The following PLOD1 variants were observed in gnomAD, a reference collection of about 807,000 sequenced individuals.
The protein encoded by PLOD1 is lysine hydroxylase.
PLOD1 carries 70 observed loss-of-function variants against 94.7 expected under a neutral mutation model. The observed-to-expected ratio is 0.74, with a 90% CI of 0.61 to 0.90. The LOEUF is 0.90. Among genes scored for constraint, PLOD1 ranks in the 40% least tolerant of loss-of-function variants. The probability of loss-of-function intolerance (pLI) is 0.00; values close to 1 mark genes in which losing one functional copy is unlikely to be tolerated. For missense variants in PLOD1, 905 were observed against 972.7 expected (o/e 0.93, Z 0.93); for synonymous variants, 417 against 400.2 (o/e 1.04, Z -0.50).
chr1:11,971,456 G>A (rs889585628), intron 17 of PLOD1: 11 of 163,932 alleles, frequency 6.7e-5, no homozygotes, highest in Non-Finnish European at 1.3e-4. Context: ...CCGGCTAGTT[G>A]GCCTCTAGCC....
chr1:11,975,374 G>C lies in PLOD1; in HGVS notation c.*566G>C, dbSNP rs540068101. Reference sequence around the variant, plus strand: ...GACAGCGACTCCAGAGAACCTCTTGGGAGACAGAAGAGGCATCTGTGCACA... The same window carrying C: ...GACAGCGACTCCAGAGAACCTCTTGCGAGACAGAAGAGGCATCTGTGCACA... On this transcript the variant is annotated 3_prime_UTR_variant, in exon 19 of 19. Transcript: ENST00000196061. The C allele has an allele frequency of 4.6e-5, 9 of 196,852 alleles. No homozygotes were observed. The South Asian group carries it at 8.8e-4, about 19-fold the overall frequency. The allele number at this position is 196,852 out of a possible 1,614,324, so 12.2% of individuals were successfully genotyped here.
rs920264762 is a variant in PLOD1, at chr1:11,972,232, C to A, written c.1903-640C>A. 2 of 148,028 alleles carry A rather than the reference C, an allele frequency of 1.4e-5. No individual in the cohort carries two copies. The highest frequency in any genetic ancestry group is 5.1e-5 in the African/African-American group (2 of 39,350). The allele number at this position is 148,028 out of a possible 1,614,324, so 9.2% of individuals were successfully genotyped here. On this transcript the variant is annotated intron_variant, in intron 17 of 18. Coordinates refer to ENST00000196061, the MANE Select transcript of PLOD1 (RefSeq NM_000302.4). This position sits in a 1 kb window ranked among gnomAD's most constrained non-coding sequence, Gnocchi z 4.6. The stretch of plus-strand genomic sequence containing the variant: ...TTCCTCTCTCTCTCTCTCTCTCTTT[C>A]TTTCTCTCTCTCTTTCTCTTTCTCT...
chr1:11,955,061 G>A (rs972027761), intron 6 of PLOD1, among the ~76,000 whole-genome samples, 168 bp downstream of exon 6: 2 of 152,200 alleles, frequency 1.3e-5, no homozygotes, highest in African/African-American at 4.8e-5. Flanking sequence ...ATATCCTGGC[G>A]CAGAGCCATG....
rs776398739 is a variant in PLOD1, at chr1:11,950,381, GC to G, written c.331del (p.Arg111GlyfsTer4). 4 of 1,614,168 alleles carry G rather than the reference GC, an allele frequency of 2.5e-6. No individual in the cohort carries two copies. Among genetic ancestry groups the G allele is most frequent in the Non-Finnish European group, 3.4e-6 (4 of 1,180,014 alleles). ...GCTATGACGTGCTGTTTGCATCGGG[GC>G]CCCGGGAGCTCCTGAAGAAGTTCCG... ...DSYDVLFASG[P>X]RELLKKFRQA... is the part of the protein sequence containing the mutation. On this transcript the variant is annotated frameshift_variant, in exon 4 of 19. Coordinates refer to ENST00000196061, the MANE Select transcript of PLOD1 (RefSeq NM_000302.4). LOFTEE classifies it high-confidence loss of function.
rs566080095 is a variant in PLOD1, at chr1:11,962,308, G to A, written c.1098-1224G>A. On this transcript the variant is annotated intron_variant, in intron 10 of 18. Transcript: ENST00000196061. ...TTTTTTTTTTTTGAGATGGAGTCTC[G>A]CTCTGTCACCCAGGCTGGAGTGCAA... Among the ~76,000 whole-genome samples, 10 of 117,484 alleles carry A rather than the reference G, an allele frequency of 8.5e-5. No homozygotes were observed. The East Asian group carries it at 1.8e-3, about 21-fold the overall frequency. The allele number at this position is 117,484 out of a possible 152,430, so 77.1% of individuals were successfully genotyped here. A position where few individuals can be genotyped will look rare whatever the true frequency, so the allele number is the denominator to read the frequency against.
At chr1:11,950,606 T>A in intron 4 of PLOD1, 86 bp downstream of exon 4, 1 of 1,221,826 alleles carries the variant, frequency 8.2e-7, no homozygotes, top group Non-Finnish European at 1.2e-6. Flanking sequence ...TGACGTGCAA[T>A]CTGGGTGTCT....
intron 10 of PLOD1, among the ~76,000 whole-genome samples, chr1:11,961,211 CTA>C (rs1347061804): frequency 1.5e-5 from 2 of 137,500 alleles, no homozygotes; most frequent in Non-Finnish European, 3.1e-5. Flanking sequence ...TAGCGAGACC[CTA>C]TCTCTTCAAA....
chr1:11,964,107 C>T (rs1476062650), intron 11 of PLOD1, 68 bp from the exon 12 acceptor site: 8 of 1,518,546 alleles, frequency 5.3e-6, no homozygotes, highest in Non-Finnish European at 7.3e-6. Flanking sequence ...CTCCCCCCAT[C>T]CCTGGTTAGT....
chr1:11,941,583 A>G (rs1048779050), intron 1 of PLOD1, among the ~76,000 whole-genome samples: 3 of 151,908 alleles, frequency 2.0e-5, no homozygotes, highest in Admixed American at 1.3e-4. Context: ...TGGGTCAAGC[A>G]ATTCTCCTAT....
intron 16 of PLOD1, among the ~76,000 whole-genome samples, chr1:11,969,200 G>T (rs1645844028): frequency 6.6e-6 from 1 of 151,836 alleles, no homozygotes; most frequent in African/African-American, 2.4e-5. Context: ...TGTTTGTGAG[G>T]CTGGTCTGAA....
chr1:11,935,433 A>G (rs930414402), intron 1 of PLOD1, among the ~76,000 whole-genome samples: 4 of 152,160 alleles, frequency 2.6e-5, no homozygotes, highest in Admixed American at 6.5e-5. Context: ...GCTTTCATCC[A>G]TGTCCCCTGT....
intron 17 of PLOD1, among the ~76,000 whole-genome samples, chr1:11,971,293 A>C (rs1196875847): frequency 1.5e-4 from 21 of 138,592 alleles, no homozygotes; most frequent in African/African-American, 5.8e-4. Flanking sequence ...GGGGCTGGGG[A>C]AGGGGTTGGG....
intron 4 of PLOD1, among the ~76,000 whole-genome samples, chr1:11,951,310 A>G (rs1645699096): frequency 1.3e-5 from 2 of 151,908 alleles, no homozygotes; most frequent in Admixed American, 6.6e-5. Flanking sequence ...TCACGCCTGT[A>G]ATGTCAGCAC....
At chr1:11,944,422 TACAC>T (rs5772479) in intron 1 of PLOD1, 19,652 of 473,090 alleles carry the variant, frequency 0.042, 909 homozygotes, top group African/African-American at 0.21. Context: ...CATGCACGCG[TACAC>T]ACACACACAC....
At chr1:11,934,892 C>CGG (rs1355478977) in intron 1 of PLOD1, 37 bp downstream of exon 1, 1 of 1,528,072 alleles carries the variant, frequency 6.5e-7, no homozygotes, top group Admixed American at 2.0e-5. Flanking sequence ...AGCGCGGATC[C>CGG]GGGCGGGAGG....
At chr1:11,955,189 C>T (rs950146670) in intron 6 of PLOD1, among the ~76,000 whole-genome samples, 9 of 152,232 alleles carry the variant, frequency 5.9e-5, no homozygotes, top group African/African-American at 1.7e-4. Context: ...GGCCCTCTTT[C>T]CCCACTTTCC....
chr1:11,957,021 G>A lies in PLOD1; in HGVS notation c.741+7G>A, dbSNP rs751215041. 2.3e-5 allele frequency: 36 copies of A among 1,590,860 alleles called. No individual in the cohort carries two copies. The highest frequency in any genetic ancestry group is 1.5e-4 in the Admixed American group (9 of 59,958). ...TGGCAACGGGCCAACCAAGGTAGGG[G>A]GTCCCCAGCCCCTGGGGAGTGTGGG... On this transcript the variant is annotated splice_region_variant and intron_variant, in intron 7 of 18. Transcript: ENST00000196061. This position sits in a 1 kb window ranked among gnomAD's most constrained non-coding sequence, Gnocchi z 4.1.
Position 11,966,723 on chromosome 1 carries a change from C to T in PLOD1, c.1651-264C>T, listed in dbSNP as rs548535747. Among the ~76,000 whole-genome samples the T allele has an allele frequency of 4.6e-5, 7 of 152,246 alleles. No individual in the cohort carries two copies. In the South Asian group the frequency reaches 6.2e-4, roughly 14 times the overall value. Reference sequence around the variant, plus strand: ...TCCACTCACTAATGTCTGCTTCCCCCGAGCCTGGGGCCTCTGCCCCCTCCC... The same window carrying T: ...TCCACTCACTAATGTCTGCTTCCCCTGAGCCTGGGGCCTCTGCCCCCTCCC... On this transcript the variant is annotated intron_variant, in intron 15 of 18. Transcript: ENST00000196061.
intron 6 of PLOD1, 107 bp downstream of exon 6, chr1:11,955,000 T>G: frequency 1.1e-6 from 1 of 872,106 alleles, no homozygotes; most frequent in Non-Finnish European, 1.9e-6. Flanking sequence ...TTTCTGGCCA[T>G]TGTGCTGAGA....
Sources: gnomAD v4.1 joint callset for allele counts (sites outside exome capture counted in the v4.1 genomes callset) on GRCh38, gnomAD v4.1.1 for gene constraint, Gnocchi (gnomAD v3.1) non-coding constraint, MANE v1.5 for transcripts, NCBI Gene and HGNC (gene_info 2026-07-23, HGNC 2026-07-21) for gene names.